The following NRTN variants were observed in gnomAD, a reference collection of about 807,000 sequenced individuals.
NRTN encodes prepro-neurturin.
NRTN carries 3 observed loss-of-function variants against 7.5 expected under a neutral mutation model. The ratio of observed to expected loss-of-function variants is 0.40; its 90% CI spans 0.18 to 1.03. NRTN has a LOEUF of 1.03. NRTN is among the 50% of genes least tolerant of loss of function. NRTN has a pLI of 0.34. For synonymous variants in NRTN, 157 were observed against 146.6 expected (o/e 1.07, Z -0.51); for missense variants, 310 against 307.0 (o/e 1.01, Z -0.07).
At position 5,827,742 on chromosome 19, in the gene NRTN, C is replaced by T. The variant is rs762159580; in HGVS notation, c.170-7C>T. On this transcript the variant is annotated splice_region_variant and splice_polypyrimidine_tract_variant and intron_variant, in intron 2 of 2. Transcript: ENST00000303212. ...ACCCCCCCTCCTTTCTCTTCCTCCC[C>T]TCGCAGACCGTGCACTCCTGCAGGG... is the stretch of plus-strand genomic sequence containing the variant. The T allele has an allele frequency of 8.2e-7, 1 of 1,220,990 alleles. No individual in the cohort carries two copies. The highest frequency in any genetic ancestry group is 3.4e-5 in the East Asian group (1 of 29,702). The allele number at this position is 1,220,990 out of a possible 1,614,324, so 75.6% of individuals were successfully genotyped here.
chr19:5,828,312 T>C lies in NRTN; in HGVS notation c.*139T>C. 1 of 956,342 alleles carries C rather than the reference T, an allele frequency of 1.0e-6. No individual in the cohort carries two copies. The highest frequency in any genetic ancestry group is 3.2e-5 in the East Asian group (1 of 31,374). The allele number at this position is 956,342 out of a possible 1,614,324, so 59.2% of individuals were successfully genotyped here. Reference sequence around the variant, plus strand: ...TCGCGATAACTGTACTGAGATAAAGTGTGGCAACTCGAGCTGGCTGGTGAT... The same window carrying C: ...TCGCGATAACTGTACTGAGATAAAGCGTGGCAACTCGAGCTGGCTGGTGAT... On this transcript the variant is annotated 3_prime_UTR_variant, in exon 3 of 3. Coordinates refer to ENST00000303212, the MANE Select transcript of NRTN (RefSeq NM_004558.5).
chr19:5,825,407 A>AGTAC (rs773319195), intron 2 of NRTN, among the ~76,000 whole-genome samples: 1 of 152,162 alleles, frequency 6.6e-6, no homozygotes, highest in African/African-American at 2.4e-5. Context: ...GTGGGCCACG[A>AGTAC]GTACGCCCAT....
At chr19:5,816,908 C>T (rs550875683) in intron 1 of NRTN, among the ~76,000 whole-genome samples, 4 of 152,154 alleles carry the variant, frequency 2.6e-5, no homozygotes, top group Non-Finnish European at 5.9e-5. Context: ...CATGTGAGCA[C>T]GACGTATTCA....
At chr19:5,807,479 A>G (rs928416334) in intron 1 of NRTN, among the ~76,000 whole-genome samples, 1 of 152,172 alleles carries the variant, frequency 6.6e-6, no homozygotes, top group African/African-American at 2.4e-5. Flanking sequence ...AGGCTCCCAA[A>G]CCAGCCTTGC....
chr19:5,816,342 T>G (rs1274749900), intron 1 of NRTN, among the ~76,000 whole-genome samples: 3 of 152,224 alleles, frequency 2.0e-5, no homozygotes, highest in Non-Finnish European at 4.4e-5. Context: ...TTCATGACCT[T>G]GACTCTTTTT....
In NRTN at chr19:5,828,232, C is replaced by G; in HGVS notation, c.*59C>G. On this transcript the variant is annotated 3_prime_UTR_variant, in exon 3 of 3. Coordinates refer to ENST00000303212, the MANE Select transcript of NRTN (RefSeq NM_004558.5). Reference sequence around the variant, plus strand: ...CCCCCGCCTCGACGGCACCACTGGCCGGCCCCGCGAAAGACTGCGCGTGCG... The same window carrying G: ...CCCCCGCCTCGACGGCACCACTGGCGGGCCCCGCGAAAGACTGCGCGTGCG... 6.6e-7 allele frequency: 1 copy of G among 1,513,766 alleles called. No individual in the cohort carries two copies. The highest frequency in any genetic ancestry group is 8.8e-7 in the Non-Finnish European group (1 of 1,134,676). 93.8% of individuals were successfully genotyped at this position (1,513,766 alleles called of 1,614,324 possible). A position where few individuals can be genotyped will look rare whatever the true frequency, so the allele number is the denominator to read the frequency against.
At chr19:5,817,401 G>A (rs1191702534) in intron 1 of NRTN, among the ~76,000 whole-genome samples, 1 of 149,224 alleles carries the variant, frequency 6.7e-6, no homozygotes, top group Non-Finnish European at 1.5e-5. Context: ...GAGTGAGGGA[G>A]GGAGGGAAAG....
intron 1 of NRTN, among the ~76,000 whole-genome samples, chr19:5,811,932 C>T (rs1366689525): frequency 4.0e-5 from 6 of 151,504 alleles, no homozygotes; most frequent in Non-Finnish European, 7.4e-5. Context: ...TACAGTGGCG[C>T]GATCTTGGCC....
intron 1 of NRTN, among the ~76,000 whole-genome samples, chr19:5,819,799 G>A (rs983381955): frequency 6.6e-6 from 1 of 151,866 alleles, no homozygotes; most frequent in Non-Finnish European, 1.5e-5. Flanking sequence ...AGTGGGCGCT[G>A]TGATTGCACC....
At chr19:5,822,359 G>T (rs76899991) in intron 1 of NRTN, among the ~76,000 whole-genome samples, 8,033 of 152,272 alleles carry the variant, frequency 0.053, 253 homozygotes, top group South Asian at 0.13. Flanking sequence ...TTCAGTGCTC[G>T]GTGTAAATGT....
intron 1 of NRTN, among the ~76,000 whole-genome samples, chr19:5,820,564 C>A (rs79216177): frequency 4.1e-4 from 45 of 108,980 alleles, no homozygotes; most frequent in African/African-American, 7.5e-4. Context: ...GACTCCGTCT[C>A]AAAAAAAAAA....
chr19:5,824,955 T>C lies in NRTN; in HGVS notation c.169+621T>C, dbSNP rs565521494. ...AGGTCCCGTGGGGGCCAGATGGAGA[T>C]TAGACCTGGGCATTCGCCTGGTTGG... On this transcript the variant is annotated intron_variant, in intron 2 of 2. Transcript: ENST00000303212. 5.3e-5 allele frequency among the ~76,000 whole-genome samples: 8 copies of C among 151,836 alleles called. No individual in the cohort carries two copies. The South Asian group carries it at 1.7e-3, about 32-fold the overall frequency.
At chr19:5,807,658 AGCAG>A (rs1424716436) in intron 1 of NRTN, among the ~76,000 whole-genome samples, 1 of 152,274 alleles carries the variant, frequency 6.6e-6, no homozygotes, top group Non-Finnish European at 1.5e-5. Context: ...GAAATCAGAC[AGCAG>A]GCCCAGCTTA....
Position 5,827,766 on chromosome 19 carries a change from G to A in NRTN, c.187G>A (p.Gly63Arg). 8.2e-7 allele frequency: 1 copy of A among 1,225,244 alleles called. No individual in the cohort carries two copies. Among genetic ancestry groups the A allele is most frequent in the Admixed American group, 3.4e-5 (1 of 29,114 alleles). The allele number at this position is 1,225,244 out of a possible 1,614,324, so 75.9% of individuals were successfully genotyped here. The stretch of plus-strand genomic sequence containing the variant: ...CCTCGCAGACCGTGCACTCCTGCAG[G>A]GGGCCCCGGATGCGATGGAGCTGCG... Reference protein sequence around the residue: ...RLAQYRALLQGAPDAMELREL... With the variant: ...RLAQYRALLQRAPDAMELREL... The change falls in exon 3 of 3, where the codon GGG (glycine) becomes AGG (arginine). Residue 63 changes from glycine to arginine, a missense_variant. Coordinates refer to ENST00000303212, the MANE Select transcript of NRTN (RefSeq NM_004558.5).
chr19:5,828,053 G>T lies in NRTN; in HGVS notation c.474G>T (p.Arg158=). ...AGCGGCGGCGCCTGCGGCGGGAGCG[G>T]GTGCGCGCGCAGCCCTGCTGCCGCC... is the stretch of plus-strand genomic sequence containing the variant. ...LRQRRRLRRE[R]VRAQPCCRPT... Residue 158 remains arginine, a synonymous_variant, in exon 3 of 3, where the codon CGG becomes CGT. Transcript: ENST00000303212. 7.0e-7 allele frequency: 1 copy of T among 1,427,502 alleles called. No homozygotes were observed. The highest frequency in any genetic ancestry group is 1.5e-5 in the South Asian group (1 of 68,384). The allele number at this position is 1,427,502 out of a possible 1,614,324, so 88.4% of individuals were successfully genotyped here.
Position 5,824,149 on chromosome 19 carries a change from G to C in NRTN, c.-17G>C. 1 of 1,604,168 alleles carries C rather than the reference G, an allele frequency of 6.2e-7. No individual in the cohort carries two copies. The highest frequency in any genetic ancestry group is 1.7e-5 in the Admixed American group (1 of 59,998). On this transcript the variant is annotated 5_prime_UTR_variant, in exon 2 of 3. Transcript: ENST00000303212. ...GACGGGGCGTGCGGCTGACCATCCC[G>C]TGCCCGCAGGCTGAGGATGCAGCGC...
chr19:5,822,799 GAGACC>G (rs1427231115), intron 1 of NRTN, among the ~76,000 whole-genome samples: 1 of 152,118 alleles, frequency 6.6e-6, no homozygotes, highest in African/African-American at 2.4e-5. Flanking sequence ...CCAGGAGTTT[GAGACC>G]AGCCTGGGCA....
At chr19:5,816,668 C>T (rs1384068013) in intron 1 of NRTN, among the ~76,000 whole-genome samples, 1 of 152,196 alleles carries the variant, frequency 6.6e-6, no homozygotes, top group Non-Finnish European at 1.5e-5. Context: ...AGACGTGAGC[C>T]ACCGTGCCCC....
intron 2 of NRTN, among the ~76,000 whole-genome samples, chr19:5,824,590 GGCAATGTA>G (rs1568400139): frequency 6.6e-6 from 1 of 152,096 alleles, no homozygotes; most frequent in Non-Finnish European, 1.5e-5. Flanking sequence ...GACCAGCCAG[GGCAATGTA>G]GCGAGACCGC....
Sources: allele counts gnomAD v4.1 joint callset (sites outside exome capture counted in the v4.1 genomes callset), GRCh38; gene constraint gnomAD v4.1.1; transcripts MANE v1.5; gene names NCBI Gene and HGNC (gene_info 2026-07-23, HGNC 2026-07-21).